The following GLDC variants were observed in gnomAD, a reference collection of about 807,000 sequenced individuals.
GLDC encodes glycine dehydrogenase (decarboxylating), mitochondrial.
GLDC carries 104 observed loss-of-function variants against 121.3 expected under a neutral mutation model. The observed-to-expected ratio is 0.86, with a 90% CI of 0.73 to 1.01. The LOEUF is 1.01. Ranked by LOEUF, GLDC falls within the 50% of genes least tolerant of loss-of-function variation. The pLI is 0.00. For synonymous variants in GLDC, 546 were observed against 480.6 expected, an observed-to-expected ratio of 1.14 and a Z score of -1.78; for missense variants, 1,429 against 1,306.6, an observed-to-expected ratio of 1.09 and a Z score of -1.44.
chr9:6,645,116 G>T, intron 1 of GLDC, 129 bp downstream of exon 1: 2 of 931,966 alleles, frequency 2.1e-6, no homozygotes, highest in African/African-American at 1.7e-5. Context: ...TCCACGCCAC[G>T]GCCCGGGACC....
chr9:6,599,140 C>T (rs560272963), intron 8 of GLDC, among the ~76,000 whole-genome samples: 13 of 150,638 alleles, frequency 8.6e-5, no homozygotes, highest in African/African-American at 1.7e-4. Context: ...GCCGACATCA[C>T]GCCATTGCAC....
At chr9:6,546,050 T>G (rs1817381312) in intron 21 of GLDC, among the ~76,000 whole-genome samples, 1 of 152,250 alleles carries the variant, frequency 6.6e-6, no homozygotes, top group Admixed American at 6.5e-5. Context: ...ATATTTTCTT[T>G]TTCAATGTCC....
intron 20 of GLDC, among the ~76,000 whole-genome samples, chr9:6,551,930 T>C (rs745798944): frequency 1.3e-4 from 20 of 152,326 alleles, no homozygotes; most frequent in Non-Finnish European, 2.5e-4. Flanking sequence ...TTTTTAAAAA[T>C]GCAGACGGCT....
chr9:6,569,664 AC>A (rs1417897105), intron 15 of GLDC, among the ~76,000 whole-genome samples: 1 of 151,626 alleles, frequency 6.6e-6, no homozygotes, highest in Non-Finnish European at 1.5e-5. Flanking sequence ...AAACAAACAA[AC>A]AAAAAGAAAT....
At chr9:6,534,524 T>C (rs1817075784) in intron 24 of GLDC, among the ~76,000 whole-genome samples, 184 bp downstream of exon 24, 1 of 152,210 alleles carries the variant, frequency 6.6e-6, no homozygotes, top group African/African-American at 2.4e-5. Context: ...AGATCTGTGG[T>C]TGATACTGTG....
chr9:6,645,183 G>C, intron 1 of GLDC, 62 bp downstream of exon 1: 1 of 1,474,436 alleles, frequency 6.8e-7, no homozygotes, highest in Non-Finnish European at 9.1e-7. Flanking sequence ...CCGGGAGGCC[G>C]CGCAGGCAGA....
At chr9:6,604,552 A>G in intron 7 of GLDC, 36 bp downstream of exon 7, 1 of 1,549,246 alleles carries the variant, frequency 6.5e-7, no homozygotes, top group Non-Finnish European at 8.9e-7. Flanking sequence ...GGAAATCATA[A>G]TCACAATAAA....
At chr9:6,624,108 G>A (rs925939148) in intron 2 of GLDC, among the ~76,000 whole-genome samples, 1 of 152,206 alleles carries the variant, frequency 6.6e-6, no homozygotes, top group Non-Finnish European at 1.5e-5. Flanking sequence ...TGATGGTGTG[G>A]AAAGGTCACT....
rs1273154402 is a variant in GLDC at position 6,589,198 on chromosome 9, T to C, written c.1577A>G (p.Asn526Ser). 1.9e-6 allele frequency: 3 copies of C among 1,582,498 alleles called. No individual in the cohort carries two copies. Among genetic ancestry groups the C allele is most frequent in the South Asian group, 1.1e-5 (1 of 90,426 alleles). The change falls in exon 12 of 25, where the codon AAC becomes AGC. Residue 526 changes from asparagine to serine, a missense_variant. Asn to Ser is a conservative substitution (Grantham distance 46). Coordinates refer to ENST00000321612, the MANE Select transcript of GLDC (RefSeq NM_000170.3). ...AAGTCACACAAGACACACAAACCTG[T>C]TGAACACTTGATGGGTGAGGAACGG... ...TSPFLTHQVF[N>S]SYHSETNIVR... is the part of the protein sequence containing the mutation.
rs777282273 is a variant in GLDC, at chr9:6,553,520, T to TACCCCCAG, written c.2316-12_2316-11insCTGGGGGT. 1 of 1,613,518 alleles carries TACCCCCAG rather than the reference T, an allele frequency of 6.2e-7. No individual in the cohort carries two copies. The highest frequency in any genetic ancestry group is 1.3e-5 in the African/African-American group (1 of 74,966). On this transcript the variant is annotated splice_polypyrimidine_tract_variant and intron_variant, in intron 19 of 24. Transcript: ENST00000321612. ...GCGAGATGTTTCTTCCTGTATTTTT[T>TACCCCCAG]TTAAGTGCAAATTCAGAAAATGTAA...
At chr9:6,642,502 G>A in intron 2 of GLDC, among the ~76,000 whole-genome samples, 1 of 152,112 alleles carries the variant, frequency 6.6e-6, no homozygotes, top group Admixed American at 6.5e-5. Flanking sequence ...CTGCACTCCA[G>A]CCTGGGCAAC....
At chr9:6,542,721 A>G (rs1817294673) in intron 21 of GLDC, among the ~76,000 whole-genome samples, 1 of 150,042 alleles carries the variant, frequency 6.7e-6, no homozygotes, top group Non-Finnish European at 1.5e-5. Flanking sequence ...GCTTGTTTCT[A>G]CAAAAAAACA....
intron 21 of GLDC, among the ~76,000 whole-genome samples, chr9:6,547,105 C>G (rs1488305861): frequency 6.6e-6 from 1 of 151,988 alleles, no homozygotes; most frequent in Non-Finnish European, 1.5e-5. Context: ...CTCAGCCTTC[C>G]AAAGTGCTTG....
chr9:6,534,346 CCTCA>C (rs1487268767), intron 24 of GLDC, among the ~76,000 whole-genome samples: 3 of 150,176 alleles, frequency 2.0e-5, no homozygotes, highest in Non-Finnish European at 4.4e-5. Context: ...CTTCTCCCTA[CCTCA>C]CTCAAACAGA....
chr9:6,641,942 C>T lies in GLDC; in HGVS notation c.334+2672G>A, dbSNP rs1819638118. ...GCCAAGTTTGAGTAATGGTGCTCCA[C>T]TATTAAATGGAAATGCTACTACCAG... On this transcript the variant is annotated intron_variant, in intron 2 of 24. Transcript: ENST00000321612. Among the ~76,000 whole-genome samples, 2 of 152,196 alleles carry T rather than the reference C, an allele frequency of 1.3e-5. 1 individual carries two copies. The highest frequency in any genetic ancestry group is 4.1e-4 in the South Asian group (2 of 4,836).
rs145547090 is a variant in GLDC, at chr9:6,556,270, G to T, written c.2085C>A (p.Ile695=). The change falls in exon 18 of 25, where the codon ATC becomes ATA. Residue 695 remains isoleucine, a synonymous_variant. Coordinates refer to ENST00000321612, the MANE Select transcript of GLDC (RefSeq NM_000170.3). ...CATTGGTGGATGGGTATGTAATCATGATAGCTGCTAGGTTCTCCTTGTGCT... is the reference window on the plus strand; with the variant it reads ...CATTGGTGGATGGGTATGTAATCATTATAGCTGCTAGGTTCTCCTTGTGCT... ...VDKHKENLAA[I]MITYPSTNGV... is the part of the protein sequence containing the mutation. 1.8e-5 allele frequency: 29 copies of T among 1,613,442 alleles called. No homozygotes were observed. In the African/African-American group the frequency reaches 3.3e-4, roughly 19 times the overall value.
chr9:6,641,950 T>C (rs912715298), intron 2 of GLDC, among the ~76,000 whole-genome samples: 22 of 152,310 alleles, frequency 1.4e-4, no homozygotes, highest in Admixed American at 1.4e-3. Context: ...CACTATTAAA[T>C]GGAAATGCTA....
chr9:6,605,466 C>A, intron 5 of GLDC, 188 bp from the exon 6 acceptor site: 2 of 652,282 alleles, frequency 3.1e-6, no homozygotes, highest in South Asian at 1.7e-5. Flanking sequence ...GCGCATCCAA[C>A]AGCTCTGCTT....
chr9:6,580,480 G>A (rs764616958), intron 15 of GLDC, among the ~76,000 whole-genome samples: 1 of 152,144 alleles, frequency 6.6e-6, no homozygotes, highest in Non-Finnish European at 1.5e-5. Context: ...CTACTGATCC[G>A]GAAGATGTAG....
Sources: gnomAD v4.1 joint callset for allele counts (sites outside exome capture counted in the v4.1 genomes callset) on GRCh38, gnomAD v4.1.1 for gene constraint, MANE v1.5 for transcripts, NCBI Gene and HGNC (gene_info 2026-07-23, HGNC 2026-07-21) for gene names.